Variants in CDKAL1 observed in about 807,000 individuals in gnomAD.
CDKAL1 encodes the protein threonylcarbamoyladenosine tRNA methylthiotransferase.
In CDKAL1, 32 loss-of-function variants were observed where a neutral mutation model predicts 68.2. The ratio of observed to expected loss-of-function variants is 0.47; its 90% CI spans 0.35 to 0.63. The LOEUF (loss-of-function observed/expected upper bound fraction) is 0.63. CDKAL1 is among the 30% of genes least tolerant of loss of function. The pLI is 0.00. For missense variants in CDKAL1, 606 were observed against 696.7 expected, an observed-to-expected ratio of 0.87 and a Z score of 1.47; for synonymous variants, 234 against 244.3, an observed-to-expected ratio of 0.96 and a Z score of 0.39.
intron 4 of CDKAL1, among the ~76,000 whole-genome samples, chr6:20,638,198 A>G (rs1767991130): frequency 6.6e-6 from 1 of 152,224 alleles, no homozygotes; most frequent in Non-Finnish European, 1.5e-5. Context: ...TTACATCAGT[A>G]TAGTGTGCTA....
At chr6:20,787,847 C>G (rs1775740214) in intron 8 of CDKAL1, among the ~76,000 whole-genome samples, 1 of 152,166 alleles carries the variant, frequency 6.6e-6, no homozygotes, top group Non-Finnish European at 1.5e-5. Context: ...AGTTATAATT[C>G]ATTTTCACTG....
intron 9 of CDKAL1, among the ~76,000 whole-genome samples, chr6:20,872,639 T>C (rs1001755987): frequency 2.0e-5 from 3 of 152,338 alleles, no homozygotes; most frequent in East Asian, 1.9e-4. Flanking sequence ...GGTGAAATTA[T>C]TGAAGCCTTG....
At position 21,000,300 on chromosome 6, in the gene CDKAL1, G is replaced by A; in HGVS notation, c.983G>A (p.Ser328Asn). ...LHIPVQSASD[S>N]VLMEMKREYC... is the part of the protein sequence containing the mutation. Reference sequence around the variant, plus strand: ...ATACCAGTCCAGTCTGCCTCCGACAGCGTACTCATGGAAATGAAAAGAGAA... The same window carrying A: ...ATACCAGTCCAGTCTGCCTCCGACAACGTACTCATGGAAATGAAAAGAGAA... Residue 328 changes from serine (S) to asparagine (N), a missense_variant, in exon 11 of 16, where the codon AGC becomes AAC. Transcript: ENST00000274695. The A allele has an allele frequency of 6.2e-7, 1 of 1,613,754 alleles. No homozygotes were observed. Among genetic ancestry groups the A allele is most frequent in the Non-Finnish European group, 8.5e-7 (1 of 1,179,708 alleles).
chr6:20,817,349 A>T (rs1581637213), intron 8 of CDKAL1, among the ~76,000 whole-genome samples: 1 of 152,284 alleles, frequency 6.6e-6, no homozygotes, highest in East Asian at 1.9e-4. Flanking sequence ...ATTTGTTTAC[A>T]TTATTGTATT....
intron 11 of CDKAL1, among the ~76,000 whole-genome samples, chr6:21,044,988 G>A (rs887445294): frequency 6.6e-6 from 1 of 152,196 alleles, no homozygotes; most frequent in Non-Finnish European, 1.5e-5. Flanking sequence ...GGGAGGGAGG[G>A]ACAAGATAGA....
intron 2 of CDKAL1, among the ~76,000 whole-genome samples, chr6:20,544,501 C>T (rs1009323390): frequency 6.9e-6 from 1 of 145,158 alleles, no homozygotes; most frequent in Non-Finnish European, 1.5e-5. Flanking sequence ...GAGGCTGAGG[C>T]AGGAGAATGG....
At chr6:20,947,704 C>G (rs1042383212) in intron 9 of CDKAL1, among the ~76,000 whole-genome samples, 4 of 152,176 alleles carry the variant, frequency 2.6e-5, no homozygotes, top group Admixed American at 2.0e-4. Context: ...GCTCAGAACA[C>G]TTTTATTAGC....
intron 13 of CDKAL1, among the ~76,000 whole-genome samples, chr6:21,167,259 G>A (rs369082140): frequency 6.6e-6 from 1 of 152,248 alleles, no homozygotes; most frequent in African/African-American, 2.4e-5. Context: ...TAGATTTTAA[G>A]TTTAGAGTTG....
At chr6:21,151,903 G>C (rs10946431) in intron 13 of CDKAL1, among the ~76,000 whole-genome samples, 12,117 of 151,920 alleles carry the variant, frequency 0.08, 653 homozygotes, top group East Asian at 0.27. Context: ...CCTGGCGTGC[G>C]GCCTCCACCC....
At chr6:20,793,734 A>G (rs1004266332) in intron 8 of CDKAL1, among the ~76,000 whole-genome samples, 2 of 148,962 alleles carry the variant, frequency 1.3e-5, no homozygotes, top group African/African-American at 4.9e-5. Flanking sequence ...GTGATGGAAG[A>G]AAGAATAATA....
chr6:21,226,285 T>G (rs1036084482), intron 15 of CDKAL1, among the ~76,000 whole-genome samples: 2 of 24,700 alleles, frequency 8.1e-5, no homozygotes, highest in East Asian at 2.3e-3. Flanking sequence ...AACATGAAAG[T>G]TTTTTTTTTT....
At chr6:20,593,617 AAG>A (rs536507750) in intron 4 of CDKAL1, among the ~76,000 whole-genome samples, 288 of 129,502 alleles carry the variant, frequency 2.2e-3, no homozygotes, top group Middle Eastern at 4.8e-3. Context: ...AAAAAAAAAA[AAG>A]AAACCCAGCT....
At chr6:21,208,343 C>T (rs1049763514) in intron 15 of CDKAL1, among the ~76,000 whole-genome samples, 17 of 152,156 alleles carry the variant, frequency 1.1e-4, no homozygotes, top group Non-Finnish European at 2.4e-4. Flanking sequence ...TGGAAAAACA[C>T]AGTTAAAATG....
chr6:21,035,975 T>G, intron 11 of CDKAL1, among the ~76,000 whole-genome samples: 1 of 152,166 alleles, frequency 6.6e-6, no homozygotes, highest in East Asian at 1.9e-4. Context: ...AATTGCACAG[T>G]TAAATGGATT....
intron 7 of CDKAL1, among the ~76,000 whole-genome samples, chr6:20,772,583 G>A (rs1176110166): frequency 1.3e-5 from 2 of 152,170 alleles, no homozygotes; most frequent in Non-Finnish European, 1.5e-5. Flanking sequence ...TTTGTTATAT[G>A]TATCCTTTGT....
intron 9 of CDKAL1, among the ~76,000 whole-genome samples, chr6:20,858,979 A>G (rs1759478341): frequency 6.6e-6 from 1 of 152,174 alleles, no homozygotes; most frequent in Non-Finnish European, 1.5e-5. Context: ...CTGTAGTTAG[A>G]CTACATAAAC....
intron 12 of CDKAL1, among the ~76,000 whole-genome samples, chr6:21,078,990 T>C (rs756601829): frequency 2.6e-5 from 4 of 152,076 alleles, no homozygotes; most frequent in African/African-American, 9.7e-5. Context: ...TGCTGTAAAA[T>C]TGAATTCTGA....
At chr6:20,584,259 T>A (rs1228580076) in intron 4 of CDKAL1, among the ~76,000 whole-genome samples, 1 of 152,136 alleles carries the variant, frequency 6.6e-6, no homozygotes, top group East Asian at 1.9e-4. Flanking sequence ...GGAGGGAGTC[T>A]CACACAGGAG....
intron 9 of CDKAL1, among the ~76,000 whole-genome samples, chr6:20,869,469 AT>A (rs1760081661): frequency 6.6e-6 from 1 of 152,178 alleles, no homozygotes. Context: ...CTACAGGCCG[AT>A]GTAGTTTTTG....
Sources: allele counts gnomAD v4.1 joint callset (sites outside exome capture counted in the v4.1 genomes callset), GRCh38; gene constraint gnomAD v4.1.1; transcripts MANE v1.5; gene names NCBI Gene and HGNC (gene_info 2026-07-23, HGNC 2026-07-21).